PTPRZ1: variants seen among roughly 807,000 people sequenced by gnomAD.
PTPRZ1 encodes protein tyrosine phosphatase receptor type Z1.
PTPRZ1 carries 82 observed loss-of-function variants against 214.1 expected under a neutral mutation model. That is an observed-to-expected ratio of 0.38 (90% CI 0.32 to 0.46). The LOEUF is 0.46. Ranked by LOEUF, PTPRZ1 falls within the 20% of genes least tolerant of loss-of-function variation. The pLI is 1.00. For synonymous variants in PTPRZ1, 945 were observed against 987.9 expected, an observed-to-expected ratio of 0.96 and a Z score of 0.81; for missense variants, 2,603 against 2,748.7, an observed-to-expected ratio of 0.95 and a Z score of 1.19.
In PTPRZ1 at chr7:121,893,324, C is replaced by T. The variant is rs558593258; in HGVS notation, c.58+19767C>T. Among the ~76,000 whole-genome samples the T allele has an allele frequency of 3.3e-5, 5 of 152,348 alleles. No homozygotes were observed. The South Asian group carries it at 1.0e-3, about 32-fold the overall frequency. ...CTTTTCTTTTCCTTGTCAGTCCAGA[C>T]TGGTGGACCTCTCTTTTACAAAGTC... On this transcript the variant is annotated intron_variant, in intron 1 of 29. Transcript: ENST00000393386.
chr7:122,041,085 G>A (rs959014431), intron 21 of PTPRZ1, 106 bp downstream of exon 21: 66 of 1,046,654 alleles, frequency 6.3e-5, no homozygotes, highest in Non-Finnish European at 8.2e-5. Flanking sequence ...TTCTTGAAAT[G>A]AGGGTGATGA....
rs749816039 is a variant in PTPRZ1 at position 122,058,782 on chromosome 7, T to C, written c.6529-18T>C. The C allele has an allele frequency of 6.3e-7, 1 of 1,589,556 alleles. No individual in the cohort carries two copies. The highest frequency in any genetic ancestry group is 8.6e-7 in the Non-Finnish European group (1 of 1,162,462). Reference sequence around the variant, plus strand: ...AAACTGTCACTAACTAACATTACTTTGTGTTTTCTTGTTATAGGATGATTA... The same window carrying C: ...AAACTGTCACTAACTAACATTACTTCGTGTTTTCTTGTTATAGGATGATTA... On this transcript the variant is annotated intron_variant, in intron 27 of 29. Transcript: ENST00000393386.
chr7:121,973,940 GAAAA>G (rs371692415), intron 4 of PTPRZ1, among the ~76,000 whole-genome samples: 2 of 86,224 alleles, frequency 2.3e-5, no homozygotes, highest in African/African-American at 4.3e-5. Context: ...TCTCAAAAAA[GAAAA>G]AAAAAAAAAA....
chr7:121,975,003 T>A (rs888667027), intron 4 of PTPRZ1, among the ~76,000 whole-genome samples: 2 of 151,974 alleles, frequency 1.3e-5, no homozygotes, highest in African/African-American at 4.8e-5. Context: ...CTGGGCAACA[T>A]AGTGAGATCC....
At chr7:121,949,770 G>C (rs996881101) in intron 2 of PTPRZ1, among the ~76,000 whole-genome samples, 11 of 152,176 alleles carry the variant, frequency 7.2e-5, no homozygotes, top group Admixed American at 6.5e-4. Flanking sequence ...GCCCCCAGTA[G>C]GTACAATTTG....
At chr7:122,029,936 T>G (rs1799324470) in intron 14 of PTPRZ1, among the ~76,000 whole-genome samples, 1 of 151,944 alleles carries the variant, frequency 6.6e-6, no homozygotes, top group Non-Finnish European at 1.5e-5. Context: ...AGTGTCTCAT[T>G]GCCATATTCA....
At chr7:122,003,721 G>C (rs774599522) in intron 10 of PTPRZ1, among the ~76,000 whole-genome samples, 5 of 152,128 alleles carry the variant, frequency 3.3e-5, no homozygotes, top group Admixed American at 3.3e-4. Context: ...CAGTTACTTT[G>C]TCTACCATTT....
At position 121,956,438 on chromosome 7, in the gene PTPRZ1, C is replaced by A. The variant is rs1796708632; in HGVS notation, c.125-11513C>A. Among the ~76,000 whole-genome samples, 3 of 152,316 alleles carry A rather than the reference C, an allele frequency of 2.0e-5. No homozygotes were observed. The South Asian group carries it at 6.2e-4, about 32-fold the overall frequency. ...AACTCAATGAAGTCTTCATCTGATG[C>A]ACTGAGCAGGGAAAGTTTTGAGTGA... On this transcript the variant is annotated intron_variant, in intron 2 of 29. Transcript: ENST00000393386.
At chr7:121,973,711 A>G (rs1474469788) in intron 4 of PTPRZ1, among the ~76,000 whole-genome samples, 1 of 152,174 alleles carries the variant, frequency 6.6e-6, no homozygotes, top group Non-Finnish European at 1.5e-5. Flanking sequence ...AGATGGGCAG[A>G]TCACTAGAGG....
chr7:122,054,135 G>C, intron 26 of PTPRZ1, 97 bp downstream of exon 26: 1 of 1,373,508 alleles, frequency 7.3e-7, no homozygotes, highest in South Asian at 1.4e-5. Context: ...AAGTAATTTT[G>C]TTTTCAACTA....
chr7:122,032,620 C>G (rs2150470058), intron 15 of PTPRZ1, among the ~76,000 whole-genome samples: 1 of 152,302 alleles, frequency 6.6e-6, no homozygotes, highest in East Asian at 1.9e-4. Flanking sequence ...TCTTTCCCCA[C>G]TGCACCCAGC....
At chr7:122,028,838 G>A (rs1449173753) in intron 14 of PTPRZ1, among the ~76,000 whole-genome samples, 195 bp downstream of exon 14, 1 of 151,902 alleles carries the variant, frequency 6.6e-6, no homozygotes, top group Non-Finnish European at 1.5e-5. Context: ...AATTTTAAAC[G>A]TTCTTAATCA....
Position 121,984,702 on chromosome 7 carries a change from CCTT to C in PTPRZ1, c.928+589_928+591del, listed in dbSNP as rs748863327. On this transcript the variant is annotated intron_variant, in intron 8 of 29. Transcript: ENST00000393386. ...AAGAAGTGAATCTTCTTCCCAGTTTCCTTCTTTGGAGGAAAAGAAATTTGCTCT... is the reference window on the plus strand; with the variant it reads ...AAGAAGTGAATCTTCTTCCCAGTTTCCTTTGGAGGAAAAGAAATTTGCTCT... 2.6e-5 allele frequency among the ~76,000 whole-genome samples: 4 copies of C among 152,202 alleles called. No homozygotes were observed. In the East Asian group the frequency reaches 5.8e-4, roughly 22 times the overall value.
chr7:122,059,818 A>C lies in PTPRZ1; in HGVS notation c.6737A>C (p.Glu2246Ala), dbSNP rs758965365. 6.2e-7 allele frequency: 1 copy of C among 1,613,752 alleles called. No individual in the cohort carries two copies. The highest frequency in any genetic ancestry group is 8.5e-7 in the Non-Finnish European group (1 of 1,179,814). Residue 2246 changes from glutamate (E) to alanine (A), a missense_variant, in exon 29 of 30, where the codon GAA becomes GCA. By Grantham distance (107) the Glu-to-Ala change is moderately radical. This residue lies in a region of PTPRZ1 where 165 missense variants were observed against 151.4 expected (regional missense o/e 1.09). Coordinates refer to ENST00000393386, the MANE Select transcript of PTPRZ1 (RefSeq NM_002851.3). Reference protein sequence around the residue: ...LTTLMHQLEKENSVDVYQVAK... With the variant: ...LTTLMHQLEKANSVDVYQVAK... ...ACCCTTATGCACCAACTAGAAAAAG[A>C]AAATTCCGTGGATGTTTACCAGGTA...
chr7:122,060,265 C>T (rs1792527259), intron 29 of PTPRZ1, among the ~76,000 whole-genome samples: 1 of 152,156 alleles, frequency 6.6e-6, no homozygotes, highest in African/African-American at 2.4e-5. Flanking sequence ...TATCTTCATG[C>T]ACATGCACTG....
chr7:121,976,799 A>T lies in PTPRZ1; in HGVS notation c.567A>T (p.Glu189Asp). The T allele has an allele frequency of 6.2e-7, 1 of 1,610,242 alleles. No homozygotes were observed. The change falls in exon 6 of 30, where the codon GAA becomes GAT. Residue 189 changes from glutamate (E) to aspartate (D), a missense_variant. Around this residue, in one of 6 missense-constraint regions of PTPRZ1, gnomAD observed 244 missense variants for 333.2 expected, o/e 0.73. Coordinates refer to ENST00000393386, the MANE Select transcript of PTPRZ1 (RefSeq NM_002851.3). Reference protein sequence around the residue: ...LSILFEVGTEENLDFKAIIDG... With the variant: ...LSILFEVGTEDNLDFKAIIDG... ...TTTTTTAACAGGTTGGGACAGAAGA[A>T]AATTTGGATTTCAAAGCGATTATTG... is the stretch of plus-strand genomic sequence containing the variant.
chr7:121,941,935 G>C (rs1488932755), intron 2 of PTPRZ1, among the ~76,000 whole-genome samples: 1 of 152,138 alleles, frequency 6.6e-6, no homozygotes, highest in Non-Finnish European at 1.5e-5. Flanking sequence ...CATCTAGCCA[G>C]GATTCCACTG....
intron 2 of PTPRZ1, among the ~76,000 whole-genome samples, chr7:121,933,592 T>C (rs1206507): frequency 0.68 from 104,126 of 152,030 alleles, 37,244 homozygotes; most frequent in African/African-American, 0.9. Context: ...TCTTTAAATA[T>C]CGAATTGATT....
chr7:121,951,968 T>TTTTTTTTTA (rs1796556082), intron 2 of PTPRZ1, among the ~76,000 whole-genome samples: 1 of 150,990 alleles, frequency 6.6e-6, no homozygotes, highest in Admixed American at 6.6e-5. Flanking sequence ...TATTTATTTT[T>TTTTTTTTTA]TTTTTTTTGA....
Sources: allele counts gnomAD v4.1 joint callset (sites outside exome capture counted in the v4.1 genomes callset), GRCh38; gene constraint gnomAD v4.1.1; regional missense constraint gnomAD v4.1.1; transcripts MANE v1.5; gene names NCBI Gene and HGNC (gene_info 2026-07-23, HGNC 2026-07-21).